The following KMT2C variants were observed in gnomAD, a reference collection of about 807,000 sequenced individuals.
The protein encoded by KMT2C is lysine methyltransferase 2C, also known as histone-lysine N-methyltransferase 2C.
KMT2C carries 88 observed loss-of-function variants against 507.9 expected under a neutral mutation model. The ratio of observed to expected loss-of-function variants is 0.17; its 90% CI spans 0.15 to 0.21. KMT2C has a LOEUF of 0.21. Among genes scored for constraint, KMT2C ranks in the 10% least tolerant of loss-of-function variants. The pLI is 1.00. For missense variants in KMT2C, 4,954 were observed against 5,957.8 expected, an observed-to-expected ratio of 0.83 and a Z score of 5.55; for synonymous variants, 2,049 against 2,080.8, an observed-to-expected ratio of 0.98 and a Z score of 0.42.
chr7:152,433,082 A>T (rs2097879756), intron 1 of KMT2C, among the ~76,000 whole-genome samples: 1 of 151,446 alleles, frequency 6.6e-6, no homozygotes, highest in South Asian at 2.1e-4. Flanking sequence ...CACGAGGCAG[A>T]GGTTGCGGTG....
intron 6 of KMT2C, among the ~76,000 whole-genome samples, chr7:152,276,875 G>A (rs62492915): frequency 9.6e-4 from 134 of 139,980 alleles, no homozygotes; most frequent in African/African-American, 3.4e-3. Context: ...TAAAAAGACA[G>A]GGAGTAAGAA....
At chr7:152,241,163 A>G (rs1228739668) in intron 14 of KMT2C, among the ~76,000 whole-genome samples, 2 of 152,082 alleles carry the variant, frequency 1.3e-5, no homozygotes, top group Admixed American at 6.6e-5. Context: ...ACACTTCACT[A>G]TATCATTCCA....
chr7:152,173,081 G>A (rs1450695753), intron 39 of KMT2C, among the ~76,000 whole-genome samples: 7 of 152,084 alleles, frequency 4.6e-5, no homozygotes, highest in Non-Finnish European at 7.4e-5. Context: ...CTATGATAGA[G>A]AAATAGTGTT....
rs1313852153 is a variant in KMT2C, at chr7:152,232,674, AATGT to A, written c.2770-2357_2770-2354del. Among the ~76,000 whole-genome samples the A allele has an allele frequency of 3.3e-5, 5 of 152,256 alleles. No individual in the cohort carries two copies. The East Asian group carries it at 9.7e-4, about 29-fold the overall frequency. On this transcript the variant is annotated intron_variant, in intron 16 of 58. Transcript: ENST00000262189. ...TGCTTTAATTTTTTTTAATAGAGAA[AATGT>A]ATTGATGTGTTACATGCATAGTATT...
intron 2 of KMT2C, among the ~76,000 whole-genome samples, chr7:152,352,703 C>T (rs1392162473): frequency 6.6e-6 from 1 of 152,194 alleles, no homozygotes; most frequent in African/African-American, 2.4e-5. Flanking sequence ...TCCCTTGAGC[C>T]TAAATTTTTG....
intron 1 of KMT2C, among the ~76,000 whole-genome samples, chr7:152,375,721 C>A (rs898736882): frequency 6.6e-6 from 1 of 152,012 alleles, no homozygotes; most frequent in Non-Finnish European, 1.5e-5. Context: ...CAGCAGCATG[C>A]ACTCACTTTG....
chr7:152,334,254 G>A (rs1010566053), intron 2 of KMT2C, among the ~76,000 whole-genome samples: 4 of 152,148 alleles, frequency 2.6e-5, no homozygotes, highest in Non-Finnish European at 4.4e-5. Flanking sequence ...TCAGGAGTTC[G>A]AGACCAGCCT....
chr7:152,330,635 A>T lies in KMT2C; in HGVS notation c.355T>A (p.Ser119Thr), dbSNP rs995990306. The T allele has an allele frequency of 1.9e-6, 3 of 1,614,122 alleles. No individual in the cohort carries two copies. The highest frequency in any genetic ancestry group is 2.5e-6 in the Non-Finnish European group (3 of 1,180,018). ...GCTTCTACACCAACAGAGACCAGGGAGTTTGCCGATTCCTCAGACACAGAT... is the reference window on the plus strand; with the variant it reads ...GCTTCTACACCAACAGAGACCAGGGTGTTTGCCGATTCCTCAGACACAGAT... ...QRSVSEESAN[S>T]LVSVGVEAKI... The change falls in exon 3 of 59, where the codon TCC becomes ACC. Residue 119 changes from serine to threonine, a missense_variant. Physicochemically the swap from Ser to Thr is moderately conservative, Grantham distance 58. Around this residue, in one of 29 missense-constraint regions of KMT2C, gnomAD observed 233 missense variants for 263.6 expected, o/e 0.88. Coordinates refer to ENST00000262189, the MANE Select transcript of KMT2C (RefSeq NM_170606.3).
chr7:152,212,510 G>C (rs2094477193), intron 23 of KMT2C, among the ~76,000 whole-genome samples: 1 of 152,054 alleles, frequency 6.6e-6, no homozygotes, highest in African/African-American at 2.4e-5. Context: ...CCTGTATGTA[G>C]AAACCCCCAA....
At chr7:152,358,163 G>C (rs1441640601) in intron 2 of KMT2C, among the ~76,000 whole-genome samples, 1 of 152,138 alleles carries the variant, frequency 6.6e-6, no homozygotes, top group Non-Finnish European at 1.5e-5. Flanking sequence ...AAACTATTTG[G>C]TCTAGTTTGG....
At position 152,163,588 on chromosome 7, in the gene KMT2C, G is replaced by C. The variant is rs545625106; in HGVS notation, c.9989C>G (p.Pro3330Arg). The C allele has an allele frequency of 1.1e-5, 18 of 1,604,744 alleles. No individual in the cohort carries two copies. The Admixed American group carries it at 1.5e-4, about 13-fold the overall frequency. The change falls in exon 43 of 59, where the codon CCC becomes CGC. Residue 3330 changes from proline to arginine, a missense_variant. Pro to Arg is a moderately radical substitution (Grantham distance 103). Coordinates refer to ENST00000262189, the MANE Select transcript of KMT2C (RefSeq NM_170606.3). ...ISGHTSPVRM[P>R]SLPGWQPNSA... ...GTTGGGTTGCCATCCAGGTAAACTG[G>C]GCATTCTAACAGGGCTAGTATGGCC...
intron 1 of KMT2C, among the ~76,000 whole-genome samples, chr7:152,387,519 G>A (rs2097441736): frequency 1.4e-5 from 2 of 142,056 alleles, no homozygotes; most frequent in African/African-American, 5.4e-5. Flanking sequence ...GGCCCAGGCT[G>A]GAGTGCAGTG....
chr7:152,269,189 T>C (rs1175879417), intron 7 of KMT2C, among the ~76,000 whole-genome samples: 1 of 152,238 alleles, frequency 6.6e-6, no homozygotes, highest in Non-Finnish European at 1.5e-5. Context: ...TAGACTATGA[T>C]GATTTCCACC....
chr7:152,346,694 T>C (rs544122700), intron 2 of KMT2C, among the ~76,000 whole-genome samples: 20 of 152,316 alleles, frequency 1.3e-4, no homozygotes, highest in African/African-American at 4.8e-4. Flanking sequence ...TTTTGACTCC[T>C]TGAAAACTTA....
At chr7:152,363,536 A>G (rs1563996130) in intron 1 of KMT2C, among the ~76,000 whole-genome samples, 1 of 152,242 alleles carries the variant, frequency 6.6e-6, no homozygotes, top group African/African-American at 2.4e-5. Flanking sequence ...CAACCTTATT[A>G]TAAGACACTG....
At chr7:152,355,949 T>G (rs1324241289) in intron 2 of KMT2C, among the ~76,000 whole-genome samples, 2 of 151,954 alleles carry the variant, frequency 1.3e-5, no homozygotes, top group Non-Finnish European at 2.9e-5. Context: ...ATGAAATCAA[T>G]GAGATGGAAA....
intron 15 of KMT2C, among the ~76,000 whole-genome samples, chr7:152,236,675 G>C (rs1184231662): frequency 6.6e-6 from 1 of 152,096 alleles, no homozygotes; most frequent in Non-Finnish European, 1.5e-5. Flanking sequence ...GTATTTAGAG[G>C]AAAATTTATC....
At chr7:152,346,955 G>A (rs191087115) in intron 2 of KMT2C, among the ~76,000 whole-genome samples, 34 of 152,108 alleles carry the variant, frequency 2.2e-4, no homozygotes, top group African/African-American at 6.0e-4. Context: ...GTGAAACCCC[G>A]TCTCTACTAA....
chr7:152,181,557 T>G lies in KMT2C; in HGVS notation c.6303A>C (p.Pro2101=). ...NDPYSQPPLT[P]HPAVNESFAH... ...CAAAAGATTCATTCACTGCTGGATG[T>G]GGGGTAAGGGGAGGCTGACTATATG... The change falls in exon 36 of 59, where the codon CCA becomes CCC. Residue 2101 remains proline, a synonymous_variant. Coordinates refer to ENST00000262189, the MANE Select transcript of KMT2C (RefSeq NM_170606.3). 1 of 1,613,838 alleles carries G rather than the reference T, an allele frequency of 6.2e-7. No homozygotes were observed. The highest frequency in any genetic ancestry group is 8.5e-7 in the Non-Finnish European group (1 of 1,179,924).
Sources: gnomAD v4.1 joint callset for allele counts (sites outside exome capture counted in the v4.1 genomes callset) on GRCh38, gnomAD v4.1.1 for gene constraint, gnomAD v4.1.1 regional missense constraint, MANE v1.5 for transcripts, NCBI Gene and HGNC (gene_info 2026-07-23, HGNC 2026-07-21) for gene names.